OSBPL3: variants seen among roughly 807,000 people sequenced by gnomAD.
OSBPL3 encodes the protein oxysterol-binding protein-related protein 3.
A neutral mutation model predicts 120.1 loss-of-function variants in OSBPL3; 65 were observed. The observed-to-expected ratio is 0.54, with a 90% confidence interval of 0.44 to 0.67. OSBPL3 has a LOEUF of 0.67. OSBPL3 is among the 30% of genes least tolerant of loss of function. The pLI, the probability that OSBPL3 is intolerant of heterozygous loss-of-function variation, is 0.00. For missense variants in OSBPL3, 1,004 were observed against 1,082.1 expected, an observed-to-expected ratio of 0.93 and a Z score of 1.01; for synonymous variants, 416 against 402.6, an observed-to-expected ratio of 1.03 and a Z score of -0.40.
Position 24,952,218 on chromosome 7 carries a change from CTGA to C in OSBPL3, c.-150+27665_-150+27667del, listed in dbSNP as rs1169276675. ...GATGCACAAAATTCTGCTCAATAGG[CTGA>C]TATTTCATGTGGGTTAGGATCTGTA... On this transcript the variant is annotated intron_variant, in intron 1 of 22. Coordinates refer to ENST00000313367, the MANE Select transcript of OSBPL3 (RefSeq NM_015550.4). The surrounding 1 kb of genome is among the most constrained non-coding windows in gnomAD (Gnocchi z 4.4). Among the ~76,000 whole-genome samples the C allele has an allele frequency of 2.6e-5, 4 of 152,096 alleles. No individual in the cohort carries two copies. Among genetic ancestry groups the C allele is most frequent in the African/African-American group, 9.7e-5 (4 of 41,410 alleles).
chr7:24,909,472 G>C (rs1808453462), intron 1 of OSBPL3, among the ~76,000 whole-genome samples: 1 of 152,194 alleles, frequency 6.6e-6, no homozygotes, highest in African/African-American at 2.4e-5. Flanking sequence ...GAAGACCATA[G>C]TGTCACCATG....
rs1226566974 is a variant in OSBPL3 at position 24,808,461 on chromosome 7, C to T, written c.2317+1346G>A. On this transcript the variant is annotated intron_variant, in intron 20 of 22. Coordinates refer to ENST00000313367, the MANE Select transcript of OSBPL3 (RefSeq NM_015550.4). The surrounding 1 kb of genome is among the most constrained non-coding windows in gnomAD (Gnocchi z 4.6). ...TCAAGGTGGTACTTTAACACTGAGA[C>T]AGGATCGCAGTTCTCATCTGTGATG... is the stretch of plus-strand genomic sequence containing the variant. 1.3e-5 allele frequency among the ~76,000 whole-genome samples: 2 copies of T among 152,208 alleles called. No homozygotes were observed. Among genetic ancestry groups the T allele is most frequent in the African/African-American group, 4.8e-5 (2 of 41,452 alleles).
In OSBPL3 at chr7:24,823,122, A is replaced by G. The variant is rs1181745544; in HGVS notation, c.1885-2884T>C. ...ACGAGGGAAAGGTTTTTGTTGTTCC[A>G]TGGACCTGGGCCCTGACTGCAACAT... is the stretch of plus-strand genomic sequence containing the variant. On this transcript the variant is annotated intron_variant, in intron 16 of 22. Coordinates refer to ENST00000313367, the MANE Select transcript of OSBPL3 (RefSeq NM_015550.4). Among the ~76,000 whole-genome samples, 7 of 152,254 alleles carry G rather than the reference A, an allele frequency of 4.6e-5. No individual in the cohort carries two copies. The East Asian group carries it at 1.2e-3, about 25-fold the overall frequency.
rs553517582 is a variant in OSBPL3 at position 24,968,036 on chromosome 7, A to C, written c.-150+11850T>G. ...ACTTTTTGGTTTGCTTTATATATTTACTTGGAGTAATACATTTACTTGGAA... is the reference window on the plus strand; with the variant it reads ...ACTTTTTGGTTTGCTTTATATATTTCCTTGGAGTAATACATTTACTTGGAA... On this transcript the variant is annotated intron_variant, in intron 1 of 22. Coordinates refer to ENST00000313367, the MANE Select transcript of OSBPL3 (RefSeq NM_015550.4). The surrounding 1 kb of genome is among the most constrained non-coding windows in gnomAD (Gnocchi z 4.6). Among the ~76,000 whole-genome samples, 1 of 152,318 alleles carries C rather than the reference A, an allele frequency of 6.6e-6. No individual in the cohort carries two copies. Among genetic ancestry groups the C allele is most frequent in the Non-Finnish European group, 1.5e-5 (1 of 68,020 alleles).
intron 2 of OSBPL3, among the ~76,000 whole-genome samples, chr7:24,878,262 G>A (rs780849053): frequency 3.9e-5 from 6 of 152,190 alleles, no homozygotes; most frequent in Non-Finnish European, 7.3e-5. Context: ...GTCAGAAATA[G>A]AAAACGATTA....
At position 24,862,230 on chromosome 7, in the gene OSBPL3, G is replaced by A. The variant is rs1800667845; in HGVS notation, c.871-461C>T. Among the ~76,000 whole-genome samples, 1 of 152,168 alleles carries A rather than the reference G, an allele frequency of 6.6e-6. No homozygotes were observed. ...AGTGATAACTTATTTTAAAAAATGA[G>A]AACTCAAGACAACACTTTCCACAGA... is the stretch of plus-strand genomic sequence containing the variant. On this transcript the variant is annotated intron_variant, in intron 9 of 22. Coordinates refer to ENST00000313367, the MANE Select transcript of OSBPL3 (RefSeq NM_015550.4). The surrounding 1 kb of genome is among the most constrained non-coding windows in gnomAD (Gnocchi z 4.4).
At chr7:24,950,946 T>A (rs1412505542) in intron 1 of OSBPL3, among the ~76,000 whole-genome samples, 1 of 151,932 alleles carries the variant, frequency 6.6e-6, no homozygotes, top group Non-Finnish European at 1.5e-5. Context: ...AAAAAAAAAA[T>A]TAAGCTTCAT....
At position 24,819,640 on chromosome 7, in the gene OSBPL3, A is replaced by G. The variant is rs548614927; in HGVS notation, c.1948+535T>C. On this transcript the variant is annotated intron_variant, in intron 17 of 22. Coordinates refer to ENST00000313367, the MANE Select transcript of OSBPL3 (RefSeq NM_015550.4). The surrounding 1 kb of genome is among the most constrained non-coding windows in gnomAD (Gnocchi z 4.1). ...ATATGTGCTCACTGTCCAAAAACCT[A>G]GGATGCTTATATGTTCCTTCTACAG... Among the ~76,000 whole-genome samples, 20 of 152,316 alleles carry G rather than the reference A, an allele frequency of 1.3e-4. No homozygotes were observed. The highest frequency in any genetic ancestry group is 4.8e-4 in the African/African-American group (20 of 41,572).
intron 5 of OSBPL3, among the ~76,000 whole-genome samples, chr7:24,869,818 AGAG>A (rs1337003519): frequency 1.3e-5 from 2 of 152,242 alleles, no homozygotes; most frequent in African/African-American, 4.8e-5. Flanking sequence ...CATGCCATAG[AGAG>A]GACAGGGACA....
intron 2 of OSBPL3, among the ~76,000 whole-genome samples, chr7:24,886,691 T>C (rs867889955): frequency 1.4e-4 from 22 of 152,344 alleles, no homozygotes; most frequent in South Asian, 1.2e-3. Flanking sequence ...AACCATATAC[T>C]TTTTTAACCA....
At chr7:24,875,230 A>G (rs1340898193) in intron 2 of OSBPL3, among the ~76,000 whole-genome samples, 1 of 152,220 alleles carries the variant, frequency 6.6e-6, no homozygotes, top group African/African-American at 2.4e-5. Flanking sequence ...GTAAGTGCAG[A>G]GTAACTGAGG....
chr7:24,816,791 T>A, intron 17 of OSBPL3, 103 bp from the exon 18 acceptor site: 1 of 772,584 alleles, frequency 1.3e-6, no homozygotes, highest in Non-Finnish European at 2.3e-6. Context: ...TACAACCTCT[T>A]CACAATCAAG....
intron 1 of OSBPL3, among the ~76,000 whole-genome samples, chr7:24,911,070 T>C (rs899679478): frequency 6.6e-6 from 1 of 152,226 alleles, no homozygotes; most frequent in Non-Finnish European, 1.5e-5. Context: ...CATCCAGAAA[T>C]GACAGATTTA....
At chr7:24,814,459 T>C (rs1794223688) in intron 19 of OSBPL3, among the ~76,000 whole-genome samples, 1 of 142,718 alleles carries the variant, frequency 7.0e-6, no homozygotes, top group Admixed American at 7.0e-5. Flanking sequence ...AGCATGACAT[T>C]AAAAAAAAAA....
In OSBPL3 at chr7:24,930,523, T is replaced by C. The variant is rs1811657894; in HGVS notation, c.-149-37902A>G. Among the ~76,000 whole-genome samples, 1 of 152,076 alleles carries C rather than the reference T, an allele frequency of 6.6e-6. No homozygotes were observed. The highest frequency in any genetic ancestry group is 1.5e-5 in the Non-Finnish European group (1 of 67,982). On this transcript the variant is annotated intron_variant, in intron 1 of 22. Transcript: ENST00000313367. The surrounding 1 kb of genome is among the most constrained non-coding windows in gnomAD (Gnocchi z 4.4). ...AGTGGGAGGTCTATTTCAATAGGAATGGGGGACACTGAGTTGCAGCTAAAA... is the reference window on the plus strand; with the variant it reads ...AGTGGGAGGTCTATTTCAATAGGAACGGGGGACACTGAGTTGCAGCTAAAA...
chr7:24,866,464 C>T (rs2128266816), intron 5 of OSBPL3, among the ~76,000 whole-genome samples: 1 of 152,146 alleles, frequency 6.6e-6, no homozygotes, highest in East Asian at 1.9e-4. Context: ...CTGGTGAAAC[C>T]CTGTCTCTAC....
At chr7:24,809,052 A>G (rs1011478951) in intron 20 of OSBPL3, among the ~76,000 whole-genome samples, 2 of 152,076 alleles carry the variant, frequency 1.3e-5, no homozygotes, top group Admixed American at 6.5e-5. Context: ...TAAATTGCCT[A>G]TGTAACAACC....
intron 1 of OSBPL3, among the ~76,000 whole-genome samples, chr7:24,925,342 G>C (rs1051001786): frequency 6.6e-6 from 1 of 152,152 alleles, no homozygotes; most frequent in Non-Finnish European, 1.5e-5. Flanking sequence ...TGGAACACTG[G>C]GGGGTGATGT....
Position 24,842,253 on chromosome 7 carries a change from C to T in OSBPL3, c.1401+26G>A, listed in dbSNP as rs374502212. 56 of 1,606,394 alleles carry T rather than the reference C, an allele frequency of 3.5e-5. 1 individual carries two copies. The South Asian group carries it at 5.7e-4, about 16-fold the overall frequency. On this transcript the variant is annotated intron_variant, in intron 13 of 22. Coordinates refer to ENST00000313367, the MANE Select transcript of OSBPL3 (RefSeq NM_015550.4). ...AAAGCAACAAGAGAGATTTTTGAGG[C>T]ACCATACTGTAAACATTGCTCAAAC...
Sources: allele counts gnomAD v4.1 joint callset (sites outside exome capture counted in the v4.1 genomes callset), GRCh38; gene constraint gnomAD v4.1.1; non-coding constraint Gnocchi (gnomAD v3.1); transcripts MANE v1.5; gene names NCBI Gene and HGNC (gene_info 2026-07-23, HGNC 2026-07-21).